ATRN: variants seen among roughly 807,000 people sequenced by gnomAD.
ATRN encodes the protein attractin, also known as attractin-2.
Under a neutral mutation model 178.7 loss-of-function variants are expected in ATRN, and 54 were observed. The observed-to-expected ratio is 0.30, with a 90% CI of 0.24 to 0.38. ATRN has a LOEUF of 0.38. Among genes scored for constraint, ATRN ranks in the 10% least tolerant of loss-of-function variants. The pLI is 1.00. For synonymous variants in ATRN, 636 were observed against 663.0 expected (o/e 0.96, Z 0.63); for missense variants, 1,443 against 1,815.1 (o/e 0.79, Z 3.73).
At chr20:3,487,478 G>A (rs979701904) in intron 1 of ATRN, among the ~76,000 whole-genome samples, 5 of 152,058 alleles carry the variant, frequency 3.3e-5, no homozygotes, top group Admixed American at 6.6e-5. Context: ...TGATCCACCC[G>A]CGTTGGCCTC....
At chr20:3,530,927 C>T (rs2085445741) in intron 1 of ATRN, among the ~76,000 whole-genome samples, 1 of 152,102 alleles carries the variant, frequency 6.6e-6, no homozygotes, top group Non-Finnish European at 1.5e-5. Flanking sequence ...GCAGAATTAC[C>T]TCAGTATTCT....
chr20:3,519,686 A>G lies in ATRN; in HGVS notation c.411-15567A>G, dbSNP rs2082840491. On this transcript the variant is annotated intron_variant, in intron 1 of 28. Transcript: ENST00000262919. ...CTAAAATCTCAGAGGTCACCGCTAA[A>G]GAACCCATCTGTGTAACCAGAAACT... Among the ~76,000 whole-genome samples, 4 of 152,222 alleles carry G rather than the reference A, an allele frequency of 2.6e-5. No homozygotes were observed. In the South Asian group the frequency reaches 8.3e-4, roughly 31 times the overall value.
At chr20:3,544,496 TGTGGTGGTG>T (rs891845516) in intron 3 of ATRN, among the ~76,000 whole-genome samples, 9 of 151,540 alleles carry the variant, frequency 5.9e-5, no homozygotes, top group Non-Finnish European at 1.2e-4. Flanking sequence ...TTTTACCAAA[TGTGGTGGTG>T]GTGGTGGTGG....
At chr20:3,518,470 T>C (rs1291334238) in intron 1 of ATRN, among the ~76,000 whole-genome samples, 1 of 152,318 alleles carries the variant, frequency 6.6e-6, no homozygotes, top group East Asian at 1.9e-4. Flanking sequence ...TCCATAGAGA[T>C]AGAAGGTAGA....
In ATRN at chr20:3,549,300, A is replaced by T. The variant is rs139431664; in HGVS notation, c.1074A>T (p.Gly358=). ...VNGNIMWVVG[G]YMFNHSDYNM... is the part of the protein sequence containing the mutation. ...GAAACATTATGTGGGTTGTTGGAGG[A>T]TATATGTTCAACCACTCAGATTATA... Residue 358 remains glycine (G), a synonymous_variant, in exon 6 of 29, where the codon GGA becomes GGT. Coordinates refer to ENST00000262919, the MANE Select transcript of ATRN (RefSeq NM_139321.3). 6.2e-7 allele frequency: 1 copy of T among 1,607,752 alleles called. No homozygotes were observed. Among genetic ancestry groups the T allele is most frequent in the Admixed American group, 1.7e-5 (1 of 58,310 alleles).
At chr20:3,556,218 C>G (rs2085874557) in intron 6 of ATRN, among the ~76,000 whole-genome samples, 1 of 152,090 alleles carries the variant, frequency 6.6e-6, no homozygotes, top group Non-Finnish European at 1.5e-5. Context: ...AGAAAAGAAC[C>G]TAACACATGT....
intron 1 of ATRN, among the ~76,000 whole-genome samples, chr20:3,485,917 G>C (rs1347769210): frequency 1.3e-5 from 2 of 152,080 alleles, no homozygotes; most frequent in East Asian, 3.9e-4. Flanking sequence ...ACCCCGCCCA[G>C]CCTGAATTTT....
rs573306149 is a variant in ATRN at position 3,547,585 on chromosome 20, T to G, written c.943+96T>G. The G allele has an allele frequency of 1.2e-5, 12 of 999,524 alleles. No individual in the cohort carries two copies. In the East Asian group the frequency reaches 1.8e-4, roughly 15 times the overall value. 61.9% of individuals were successfully genotyped at this position (999,524 alleles called of 1,614,324 possible). ...ACTTTATTCTTAGCACCTATATAAT[T>G]TATATTAATCAAATACGAGGTAGCA... On this transcript the variant is annotated intron_variant, in intron 5 of 28. Coordinates refer to ENST00000262919, the MANE Select transcript of ATRN (RefSeq NM_139321.3).
intron 26 of ATRN, among the ~76,000 whole-genome samples, chr20:3,637,805 A>G (rs2087037170): frequency 6.6e-6 from 1 of 152,184 alleles, no homozygotes; most frequent in African/African-American, 2.4e-5. Flanking sequence ...ACAGCTGTAG[A>G]CTATTGGAGC....
At position 3,471,257 on chromosome 20, in the gene ATRN, G is replaced by T; in HGVS notation, c.150G>T (p.Pro50=). Residue 50 remains proline (P), a synonymous_variant, in exon 1 of 29, where the codon CCG becomes CCT. Coordinates refer to ENST00000262919, the MANE Select transcript of ATRN (RefSeq NM_139321.3). ...GGCTGGGGGCCGGGCTGCGCCTCCCGCGGCTGCTGTCTCCACCGCTGCGGC... is the reference window on the plus strand; with the variant it reads ...GGCTGGGGGCCGGGCTGCGCCTCCCTCGGCTGCTGTCTCCACCGCTGCGGC... The part of the protein sequence containing the change: ...RPGLGAGLRL[P]RLLSPPLRPR... 6.9e-7 allele frequency: 1 copy of T among 1,444,952 alleles called. No individual in the cohort carries two copies. 89.5% of individuals were successfully genotyped at this position (1,444,952 alleles called of 1,614,324 possible).
intron 5 of ATRN, among the ~76,000 whole-genome samples, chr20:3,548,378 C>T (rs1252806234): frequency 1.3e-5 from 2 of 151,946 alleles, no homozygotes; most frequent in Non-Finnish European, 2.9e-5. Flanking sequence ...AGGCAGGCGG[C>T]TCACTGAGGT....
intron 20 of ATRN, 77 bp downstream of exon 20, chr20:3,594,649 CCCA>C: frequency 1.7e-6 from 2 of 1,208,502 alleles, no homozygotes; most frequent in Non-Finnish European, 2.3e-6. Flanking sequence ...CTGAGAGCCA[CCCA>C]CTTCCCTGTG....
In ATRN at chr20:3,471,497, G is replaced by A; in HGVS notation, c.390G>A (p.Gln130=). 7.1e-7 allele frequency: 1 copy of A among 1,406,012 alleles called. No individual in the cohort carries two copies. The highest frequency in any genetic ancestry group is 1.6e-5 in the South Asian group (1 of 62,368). The allele number at this position is 1,406,012 out of a possible 1,614,324, so 87.1% of individuals were successfully genotyped here. ...CPAGWVGEQC[Q]HCGGRFRLTG... The stretch of plus-strand genomic sequence containing the variant: ...CCGGCTGGGTGGGCGAGCAATGCCA[G>A]CACTGCGGGGGCCGCTTCAGGTGAG... Residue 130 remains glutamine (Q), a synonymous_variant, in exon 1 of 29, where the codon CAG becomes CAA. Coordinates refer to ENST00000262919, the MANE Select transcript of ATRN (RefSeq NM_139321.3).
chr20:3,576,679 A>ATCTATCTGTCTG (rs375526542), intron 13 of ATRN, among the ~76,000 whole-genome samples, 180 bp from the exon 14 acceptor site: 1 of 142,220 alleles, frequency 7.0e-6, no homozygotes, highest in African/African-American at 2.6e-5. Flanking sequence ...TTATCTATCT[A>ATCTATCTGTCTG]TCTGTCTGTC....
chr20:3,560,511 A>G (rs2085936295), intron 7 of ATRN, 151 bp from the exon 8 acceptor site: 1 of 646,428 alleles, frequency 1.5e-6, no homozygotes, highest in South Asian at 2.0e-5. Flanking sequence ...TATACCCAGT[A>G]TCGAAATTGT....
intron 24 of ATRN, 139 bp from the exon 25 acceptor site, chr20:3,624,372 C>A: frequency 1.3e-6 from 1 of 764,468 alleles, no homozygotes; most frequent in Non-Finnish European, 2.2e-6. Flanking sequence ...GGGTGAGGTA[C>A]TTTTCCTTAA....
At chr20:3,643,438 G>T (rs2087083989) in intron 27 of ATRN, among the ~76,000 whole-genome samples, 1 of 152,012 alleles carries the variant, frequency 6.6e-6, no homozygotes, top group Admixed American at 6.6e-5. Context: ...GGCTGAGGTG[G>T]GAGGATCGCT....
At chr20:3,557,897 A>G (rs2085900038) in intron 6 of ATRN, among the ~76,000 whole-genome samples, 1 of 152,220 alleles carries the variant, frequency 6.6e-6, no homozygotes, top group Non-Finnish European at 1.5e-5. Context: ...AATATGTAAA[A>G]TAATAGTTAT....
intron 24 of ATRN, among the ~76,000 whole-genome samples, chr20:3,615,557 CT>C (rs553919921): frequency 8.5e-4 from 113 of 133,232 alleles, no homozygotes; most frequent in Admixed American, 8.4e-4. Flanking sequence ...TTTCTTTTTT[CT>C]TTTTTTTTTT....
Sources: gnomAD v4.1 joint callset for allele counts (sites outside exome capture counted in the v4.1 genomes callset) on GRCh38, gnomAD v4.1.1 for gene constraint, MANE v1.5 for transcripts, NCBI Gene and HGNC (gene_info 2026-07-23, HGNC 2026-07-21) for gene names.